The following RPH3A variants were observed in gnomAD, a reference collection of about 807,000 sequenced individuals.
RPH3A encodes the protein rabphilin 3A.
RPH3A carries 48 observed loss-of-function variants against 102.2 expected under a neutral mutation model. That is an observed-to-expected ratio of 0.47 (90% CI 0.37 to 0.60). The LOEUF (loss-of-function observed/expected upper bound fraction) is 0.60, where lower values mean the gene tolerates loss of function less well. Among genes scored for constraint, RPH3A ranks in the 20% least tolerant of loss-of-function variants. RPH3A has a pLI of 0.00. For synonymous variants in RPH3A, 310 were observed against 324.3 expected (o/e 0.96, Z 0.47); for missense variants, 781 against 910.1 (o/e 0.86, Z 1.83).
chr12:112,860,115 A>G (rs1002177783), intron 5 of RPH3A, among the ~76,000 whole-genome samples: 1 of 152,240 alleles, frequency 6.6e-6, no homozygotes, highest in African/African-American at 2.4e-5. Context: ...ATGGTCCACC[A>G]TGACCCAATT....
chr12:112,883,213 C>T (rs1444206602), intron 15 of RPH3A, 80 bp from the exon 16 acceptor site: 8 of 1,077,170 alleles, frequency 7.4e-6, no homozygotes, highest in African/African-American at 3.1e-5. Flanking sequence ...CCACCCACCC[C>T]ACGTCAGCCC....
chr12:112,891,345 C>A (rs1425208484), intron 19 of RPH3A, among the ~76,000 whole-genome samples: 1 of 152,152 alleles, frequency 6.6e-6, no homozygotes, highest in Admixed American at 6.5e-5. Flanking sequence ...CAGACCTCCA[C>A]CACCAAAGAG....
intron 1 of RPH3A, among the ~76,000 whole-genome samples, chr12:112,631,612 T>C (rs2039805920): frequency 6.6e-6 from 1 of 152,080 alleles, no homozygotes; most frequent in Non-Finnish European, 1.5e-5. Flanking sequence ...AGCCCTGACC[T>C]CCCAGGTTCA....
chr12:112,581,547 TG>T (rs1308506319), intron 1 of RPH3A, among the ~76,000 whole-genome samples: 1 of 152,140 alleles, frequency 6.6e-6, no homozygotes, highest in East Asian at 1.9e-4. Flanking sequence ...TCAAAATATT[TG>T]GGGGGAAAAG....
chr12:112,885,419 C>T (rs2042988228), intron 16 of RPH3A, among the ~76,000 whole-genome samples: 1 of 152,138 alleles, frequency 6.6e-6, no homozygotes, highest in Non-Finnish European at 1.5e-5. Flanking sequence ...CGTTGTGGTT[C>T]CAAATTTCCC....
intron 2 of RPH3A, among the ~76,000 whole-genome samples, chr12:112,808,191 G>A (rs573817852): frequency 1.4e-4 from 22 of 152,240 alleles, no homozygotes; most frequent in Non-Finnish European, 2.9e-4. Flanking sequence ...AGCCTTAGAA[G>A]GGATGCAGGA....
chr12:112,674,880 G>A (rs1461957815), intron 1 of RPH3A, among the ~76,000 whole-genome samples: 1 of 152,200 alleles, frequency 6.6e-6, no homozygotes, highest in Admixed American at 6.5e-5. Context: ...TTCTCTCTCA[G>A]GGGCTTTACT....
At chr12:112,821,441 C>T (rs1007560008) in intron 2 of RPH3A, among the ~76,000 whole-genome samples, 2 of 152,122 alleles carry the variant, frequency 1.3e-5, no homozygotes, top group African/African-American at 2.4e-5. Context: ...TCTCAGCTCC[C>T]TCTTGCTCTC....
intron 1 of RPH3A, among the ~76,000 whole-genome samples, chr12:112,679,813 C>G (rs1190229661): frequency 1.3e-5 from 2 of 152,200 alleles, no homozygotes; most frequent in African/African-American, 2.4e-5. Context: ...AGGAAGCTCA[C>G]AGGCTAGTGG....
intron 5 of RPH3A, among the ~76,000 whole-genome samples, chr12:112,859,504 C>T (rs1377179347): frequency 6.6e-6 from 1 of 152,180 alleles, no homozygotes; most frequent in Non-Finnish European, 1.5e-5. Context: ...GTGATTATCG[C>T]TGTGAATATC....
intron 1 of RPH3A, among the ~76,000 whole-genome samples, chr12:112,708,769 C>T (rs1046277730): frequency 2.0e-5 from 3 of 151,974 alleles, no homozygotes; most frequent in South Asian, 2.1e-4. Flanking sequence ...GAGCCTCCTG[C>T]GAAAATAGAA....
intron 1 of RPH3A, among the ~76,000 whole-genome samples, chr12:112,762,253 G>C (rs2040859138): frequency 6.6e-6 from 1 of 152,152 alleles, no homozygotes; most frequent in African/African-American, 2.4e-5. Flanking sequence ...TACTGAGTGT[G>C]GAGGTACCCA....
chr12:112,618,324 T>C (rs2039696749), intron 1 of RPH3A, among the ~76,000 whole-genome samples: 1 of 152,138 alleles, frequency 6.6e-6, no homozygotes, highest in Non-Finnish European at 1.5e-5. Context: ...TCCCTAAATT[T>C]CCTGTTGCTA....
In RPH3A at chr12:112,782,616, A is replaced by G. The variant is rs536379359; in HGVS notation, c.-139-9527A>G. On this transcript the variant is annotated intron_variant, in intron 1 of 21. Transcript: ENST00000543106. ...ATCTTGAAGAAAGAATAGGAAATGC[A>G]CGTGGAAGGGACTTTTCAGTATTTC... 1.7e-4 allele frequency among the ~76,000 whole-genome samples: 26 copies of G among 152,366 alleles called. 1 individual carries two copies. In the South Asian group the frequency reaches 5.0e-3, roughly 29 times the overall value.
chr12:112,879,318 C>T (rs1292309062), intron 14 of RPH3A, 120 bp downstream of exon 14: 23 of 860,086 alleles, frequency 2.7e-5, no homozygotes, highest in Admixed American at 1.3e-4. Context: ...ATGATAGTGA[C>T]GGTGATGAGA....
At chr12:112,764,455 A>G (rs554910057) in intron 1 of RPH3A, among the ~76,000 whole-genome samples, 7 of 152,208 alleles carry the variant, frequency 4.6e-5, no homozygotes, top group Admixed American at 3.3e-4. Flanking sequence ...CTTTGAAGGT[A>G]TAAGACTCAG....
At chr12:112,705,862 GT>G (rs1386165074) in intron 1 of RPH3A, among the ~76,000 whole-genome samples, 2 of 152,128 alleles carry the variant, frequency 1.3e-5, no homozygotes, top group Non-Finnish European at 1.5e-5. Flanking sequence ...AGGTGACTGT[GT>G]CCATCCATTC....
intron 17 of RPH3A, among the ~76,000 whole-genome samples, chr12:112,888,686 T>C (rs1315086549): frequency 6.6e-6 from 1 of 152,212 alleles, no homozygotes; most frequent in Non-Finnish European, 1.5e-5. Context: ...ATTGTTGTTG[T>C]CAGATGTGAT....
At chr12:112,764,349 A>G (rs2040874231) in intron 1 of RPH3A, among the ~76,000 whole-genome samples, 1 of 152,212 alleles carries the variant, frequency 6.6e-6, no homozygotes, top group Non-Finnish European at 1.5e-5. Context: ...GTGAGAGAAG[A>G]GGAGGCTTGA....
Sources: gnomAD v4.1 joint callset for allele counts (sites outside exome capture counted in the v4.1 genomes callset) on GRCh38, gnomAD v4.1.1 for gene constraint, MANE v1.5 for transcripts, NCBI Gene and HGNC (gene_info 2026-07-23, HGNC 2026-07-21) for gene names.